TMX3: variants seen among roughly 807,000 people sequenced by gnomAD.
TMX3 encodes the protein protein disulfide-isomerase TMX3.
Under a neutral mutation model 64.4 loss-of-function variants are expected in TMX3, and 40 were observed. The observed-to-expected ratio is 0.62, with a 90% CI of 0.48 to 0.81. The LOEUF is 0.81. Ranked by LOEUF, TMX3 falls within the 30% of genes least tolerant of loss-of-function variation. TMX3 has a pLI of 0.00. For synonymous variants in TMX3, 189 were observed against 175.7 expected (o/e 1.08, Z -0.60); for missense variants, 497 against 534.5 (o/e 0.93, Z 0.69).
chr18:68,682,376 A>C (rs1913521271), intron 13 of TMX3, among the ~76,000 whole-genome samples: 1 of 152,142 alleles, frequency 6.6e-6, no homozygotes, highest in South Asian at 2.1e-4. Flanking sequence ...TTTAGATAAA[A>C]ATTATTTTAA....
At chr18:68,701,590 G>A (rs778159725) in intron 5 of TMX3, 155 bp downstream of exon 5, 1 of 1,501,322 alleles carries the variant, frequency 6.7e-7, no homozygotes, top group South Asian at 1.2e-5. Context: ...GCATAAAGAA[G>A]CAGTCCCTCT....
intron 10 of TMX3, among the ~76,000 whole-genome samples, 198 bp from the exon 11 acceptor site, chr18:68,684,683 G>A (rs557172955): frequency 6.6e-6 from 1 of 152,218 alleles, no homozygotes; most frequent in African/African-American, 2.4e-5. Flanking sequence ...CAACTCCAGT[G>A]ACAAATTCCC....
intron 14 of TMX3, among the ~76,000 whole-genome samples, chr18:68,680,028 T>C (rs1167340577): frequency 2.6e-5 from 4 of 152,154 alleles, no homozygotes; most frequent in Admixed American, 2.0e-4. Flanking sequence ...GACAATAAAA[T>C]CTGTTGTTAA....
chr18:68,688,903 G>A (rs1914230125), intron 9 of TMX3: 1 of 152,210 alleles, frequency 6.6e-6, no homozygotes, highest in Admixed American at 6.5e-5. Context: ...ACACTAGGGA[G>A]ATGGGGAGGA....
Position 68,676,779 on chromosome 18 carries a change from T to G in TMX3, c.*154A>C, listed in dbSNP as rs1318421239. 1.1e-6 allele frequency: 1 copy of G among 903,386 alleles called. No individual in the cohort carries two copies. The highest frequency in any genetic ancestry group is 1.6e-6 in the Non-Finnish European group (1 of 614,678). The allele number at this position is 903,386 out of a possible 1,614,324, so 56.0% of individuals were successfully genotyped here. ...TCTCTTTGCTCCAAACACTTCCCCA[T>G]GTATGGAGGGACTACTTTAATCCAT... On this transcript the variant is annotated 3_prime_UTR_variant, in exon 16 of 16. Transcript: ENST00000299608.
chr18:68,700,489 T>TAAAAA lies in TMX3; in HGVS notation c.312-9_312-5dup. 8.6e-7 allele frequency: 1 copy of TAAAAA among 1,169,068 alleles called. No individual in the cohort carries two copies. 72.4% of individuals were successfully genotyped at this position (1,169,068 alleles called of 1,614,324 possible). On this transcript the variant is annotated splice_region_variant and splice_polypyrimidine_tract_variant and intron_variant, in intron 5 of 15. Transcript: ENST00000299608. ...ATATGCCAAGTCCCCTTTTAATCTT[T>TAAAAA]AAAAAAAAAAAAAAATTAAAACCTG...
Position 68,677,090 on chromosome 18 carries a change from C to A in TMX3, c.1208G>T (p.Gly403Val), listed in dbSNP as rs142088819. Residue 403 changes from glycine (G) to valine (V), a missense_variant, in exon 16 of 16, where the codon GGA becomes GTA. Around this residue, in one of 3 missense-constraint regions of TMX3, gnomAD observed 94 missense variants for 75.8 expected, o/e 1.24. Coordinates refer to ENST00000299608, the MANE Select transcript of TMX3 (RefSeq NM_019022.5). ...CYGIYTADTD[G>V]GYIEERYEVS... ...TTCATATCGTTCTTCTATATAACCT[C>A]CATCTGTGTCGGCTGTGTAGATTCC... is the stretch of plus-strand genomic sequence containing the variant. The A allele has an allele frequency of 1.2e-5, 19 of 1,613,690 alleles. No individual in the cohort carries two copies. In the African/African-American group the frequency reaches 2.0e-4, roughly 17 times the overall value.
chr18:68,697,899 C>A, intron 7 of TMX3, 33 bp downstream of exon 7: 1 of 1,351,328 alleles, frequency 7.4e-7, no homozygotes, highest in East Asian at 2.3e-5. Flanking sequence ...AATTACAATA[C>A]ATCTGTTTTT....
In TMX3 at chr18:68,714,941, G is replaced by A. The variant is rs1485268966; in HGVS notation, c.41C>T (p.Ala14Val). The A allele has an allele frequency of 1.9e-6, 3 of 1,566,948 alleles. No homozygotes were observed. The highest frequency in any genetic ancestry group is 1.4e-5 in the African/African-American group (1 of 73,448). ...WKSWTALRLC[A>V]TVVVLDMVVC... ...GACCGCTGAGCCCCCATTACCTGTG[G>A]CGCAGAGCCGCAGGGCCGTCCAACT... The change falls in exon 1 of 16, where the codon GCC becomes GTC. Residue 14 changes from alanine (A) to valine (V), a missense_variant. Coordinates refer to ENST00000299608, the MANE Select transcript of TMX3 (RefSeq NM_019022.5).
intron 4 of TMX3, among the ~76,000 whole-genome samples, chr18:68,704,182 C>A (rs975281103): frequency 6.6e-6 from 1 of 152,082 alleles, no homozygotes; most frequent in Non-Finnish European, 1.5e-5. Flanking sequence ...AATGCTAGAT[C>A]CTTTTCCTTT....
At chr18:68,701,675 T>C (rs1405274402) in intron 5 of TMX3, 70 bp downstream of exon 5, 1 of 1,601,568 alleles carries the variant, frequency 6.2e-7, no homozygotes. Flanking sequence ...CTACTAGAAA[T>C]TAACGTAATA....
At position 68,700,486 on chromosome 18, in the gene TMX3, C is replaced by CT; in HGVS notation, c.312-2dup. ...ATTATATGCCAAGTCCCCTTTTAAT[C>CT]TTTAAAAAAAAAAAAAAATTAAAAC... On this transcript the variant is annotated splice_acceptor_variant, in intron 5 of 15. Transcript: ENST00000299608. LOFTEE classifies it high-confidence loss of function. 3.4e-6 allele frequency: 5 copies of CT among 1,483,172 alleles called. No individual in the cohort carries two copies. The highest frequency in any genetic ancestry group is 3.6e-6 in the Non-Finnish European group (4 of 1,105,266). The allele number at this position is 1,483,172 out of a possible 1,614,324, so 91.9% of individuals were successfully genotyped here. A position where few individuals can be genotyped will look rare whatever the true frequency, so the allele number is the denominator to read the frequency against.
intron 4 of TMX3, among the ~76,000 whole-genome samples, chr18:68,705,352 T>C (rs887758400): frequency 1.3e-5 from 2 of 151,972 alleles, no homozygotes; most frequent in African/African-American, 4.8e-5. Context: ...CACAGAACTA[T>C]CCAGCCCAAA....
At chr18:68,689,812 A>C (rs1209401942) in intron 9 of TMX3, 1 of 152,236 alleles carries the variant, frequency 6.6e-6, no homozygotes, top group East Asian at 1.9e-4. Flanking sequence ...CTGCTATTTA[A>C]TTACACACCT....
chr18:68,679,656 GC>G (rs1913235330), intron 14 of TMX3, 125 bp from the exon 15 acceptor site: 4 of 713,050 alleles, frequency 5.6e-6, no homozygotes, highest in Non-Finnish European at 6.7e-6. Flanking sequence ...ACCTGAAAAG[GC>G]CATGTGGTAA....
intron 9 of TMX3, chr18:68,688,106 AACAATACAGGTTACAAT>A (rs1407456894): frequency 1.2e-5 from 2 of 167,818 alleles, no homozygotes; most frequent in African/African-American, 2.4e-5. Context: ...CAGATTACAA[AACAATACAGGTTACAAT>A]ACAATACATA....
intron 7 of TMX3, 109 bp downstream of exon 7, chr18:68,697,823 A>G: frequency 1.6e-6 from 1 of 636,024 alleles, no homozygotes; most frequent in Non-Finnish European, 2.7e-6. Context: ...GAATGAAAAT[A>G]TTTCCAGTAA....
At chr18:68,677,925 A>T (rs978277900) in intron 15 of TMX3, among the ~76,000 whole-genome samples, 1 of 152,186 alleles carries the variant, frequency 6.6e-6, no homozygotes, top group Non-Finnish European at 1.5e-5. Context: ...AGTGAGCACC[A>T]GGCAATTTGC....
At chr18:68,705,699 T>C (rs1394618729) in intron 4 of TMX3, among the ~76,000 whole-genome samples, 1 of 152,216 alleles carries the variant, frequency 6.6e-6, no homozygotes, top group Non-Finnish European at 1.5e-5. Flanking sequence ...AAAGAGAAGC[T>C]AAAACACCTA....
Sources: gnomAD v4.1 joint callset for allele counts (sites outside exome capture counted in the v4.1 genomes callset) on GRCh38, gnomAD v4.1.1 for gene constraint, gnomAD v4.1.1 regional missense constraint, MANE v1.5 for transcripts, NCBI Gene and HGNC (gene_info 2026-07-23, HGNC 2026-07-21) for gene names.